The following TNRC6B variants were observed in gnomAD, a reference collection of about 807,000 sequenced individuals.
TNRC6B encodes trinucleotide repeat containing adaptor 6B.
Under a neutral mutation model 203.6 loss-of-function variants are expected in TNRC6B, and 52 were observed. That is an observed-to-expected ratio of 0.26 (90% CI 0.20 to 0.32). The LOEUF is 0.32. TNRC6B is among the 10% of genes least tolerant of loss of function. The pLI is 1.00. For synonymous variants in TNRC6B, 838 were observed against 845.7 expected, an observed-to-expected ratio of 0.99 and a Z score of 0.16; for missense variants, 1,923 against 2,286.2, an observed-to-expected ratio of 0.84 and a Z score of 3.24.
chr22:40,264,387 A>C (rs1313097841), intron 4 of TNRC6B, among the ~76,000 whole-genome samples: 1 of 152,202 alleles, frequency 6.6e-6, no homozygotes, highest in African/African-American at 2.4e-5. Context: ...GAAGATACAG[A>C]GCAAGTTTAG....
At chr22:40,075,695 T>G (rs1016654794) in intron 1 of TNRC6B, among the ~76,000 whole-genome samples, 2 of 152,198 alleles carry the variant, frequency 1.3e-5, no homozygotes, top group Admixed American at 6.5e-5. Context: ...TTTCTGTTTA[T>G]TCTTTCCTCT....
chr22:40,148,573 G>A lies in TNRC6B; in HGVS notation c.46-7542G>A, dbSNP rs538125723. Among the ~76,000 whole-genome samples the A allele has an allele frequency of 1.4e-4, 22 of 152,162 alleles. 1 individual carries two copies. In the Middle Eastern group the frequency reaches 0.014, roughly 94 times the overall value. ...GCTGAGATTACAGGTGTGGGCCACCGCGCCGGGCCAGAAAACAGCTTCTTA... is the reference window on the plus strand; with the variant it reads ...GCTGAGATTACAGGTGTGGGCCACCACGCCGGGCCAGAAAACAGCTTCTTA... On this transcript the variant is annotated intron_variant, in intron 3 of 23. Transcript: ENST00000301923.
At chr22:40,200,917 G>A (rs1005295498) in intron 1 of TNRC6B, among the ~76,000 whole-genome samples, 6 of 152,076 alleles carry the variant, frequency 3.9e-5, no homozygotes, top group Non-Finnish European at 5.9e-5. Flanking sequence ...CTCTATATTC[G>A]TATCCCAGCC....
At chr22:40,148,471 A>G (rs2068715191) in intron 3 of TNRC6B, among the ~76,000 whole-genome samples, 2 of 152,064 alleles carry the variant, frequency 1.3e-5, no homozygotes, top group South Asian at 2.1e-4. Context: ...TTTAGTAGAG[A>G]TGGAGTTTCA....
intron 1 of TNRC6B, among the ~76,000 whole-genome samples, chr22:40,111,485 G>A (rs1352900446): frequency 6.6e-6 from 1 of 152,214 alleles, no homozygotes; most frequent in African/African-American, 2.4e-5. Flanking sequence ...GTGGTGAGAA[G>A]CTATGCCAGA....
At position 40,323,338 on chromosome 22, in the gene TNRC6B, AT is replaced by A; in HGVS notation, c.*102del. ...TTTTTTTTCAACTTGCAATAAATAC[AT>A]TTTTAAAAGGAAAAAAGAAAACGGA... On this transcript the variant is annotated 3_prime_UTR_variant, in exon 23 of 23. Transcript: ENST00000454349. 1 of 1,423,360 alleles carries A rather than the reference AT, an allele frequency of 7.0e-7. No individual in the cohort carries two copies. Among genetic ancestry groups the A allele is most frequent in the Non-Finnish European group, 9.3e-7 (1 of 1,069,756 alleles). 88.2% of individuals were successfully genotyped at this position (1,423,360 alleles called of 1,614,324 possible). A position where few individuals can be genotyped will look rare whatever the true frequency, so the allele number is the denominator to read the frequency against.
At chr22:40,108,893 G>A (rs1177539602) in intron 1 of TNRC6B, among the ~76,000 whole-genome samples, 1 of 152,118 alleles carries the variant, frequency 6.6e-6, no homozygotes, top group Non-Finnish European at 1.5e-5. Context: ...ATTAAGCCCA[G>A]CATACATTAG....
intron 11 of TNRC6B, among the ~76,000 whole-genome samples, chr22:40,282,603 A>G (rs1237174348): frequency 2.0e-5 from 3 of 152,214 alleles, no homozygotes; most frequent in Non-Finnish European, 2.9e-5. Flanking sequence ...TAGTACATAA[A>G]TTAGTATAGT....
chr22:40,153,654 T>C (rs1226364338), intron 3 of TNRC6B, among the ~76,000 whole-genome samples: 1 of 151,792 alleles, frequency 6.6e-6, no homozygotes, highest in African/African-American at 2.4e-5. Context: ...TCCATATGAT[T>C]CAGCTGTATA....
At chr22:40,067,561 T>G (rs2146277157) in intron 1 of TNRC6B, among the ~76,000 whole-genome samples, 1 of 152,174 alleles carries the variant, frequency 6.6e-6, no homozygotes, top group Non-Finnish European at 1.5e-5. Flanking sequence ...CAGCCCAAGT[T>G]GAGAGGCTTA....
chr22:40,083,545 C>CA (rs1491058713), intron 1 of TNRC6B, among the ~76,000 whole-genome samples: 4 of 151,900 alleles, frequency 2.6e-5, no homozygotes, highest in Admixed American at 6.6e-5. Flanking sequence ...AAGAGTGATA[C>CA]AGAGTCAAAG....
chr22:40,285,517 T>TA, intron 11 of TNRC6B, 128 bp from the exon 12 acceptor site: 1 of 1,131,906 alleles, frequency 8.8e-7, no homozygotes, highest in Non-Finnish European at 1.2e-6. Flanking sequence ...ACTTCTCAGT[T>TA]ACAAAATTCT....
intron 1 of TNRC6B, among the ~76,000 whole-genome samples, chr22:40,221,635 G>A (rs376687329): frequency 8.6e-5 from 13 of 151,844 alleles, no homozygotes; most frequent in South Asian, 4.2e-4. Context: ...TGGGGGTTCC[G>A]GTATGTTGGC....
chr22:40,119,490 A>G (rs536738142), intron 2 of TNRC6B, among the ~76,000 whole-genome samples: 55 of 152,350 alleles, frequency 3.6e-4, no homozygotes, highest in African/African-American at 1.3e-3. Flanking sequence ...AGGCTGAGGC[A>G]GGAGAATCGC....
intron 12 of TNRC6B, among the ~76,000 whole-genome samples, chr22:40,288,494 C>T (rs1304920702): frequency 6.6e-6 from 1 of 152,004 alleles, no homozygotes; most frequent in African/African-American, 2.4e-5. Context: ...TGCTTCAGCC[C>T]AGGAGTTTGA....
rs1477840539 is a variant in TNRC6B, at chr22:40,266,447, T to A, written c.2217T>A (p.Asn739Lys). The change falls in exon 5 of 23, where the codon AAT (asparagine) becomes AAA (lysine). Residue 739 changes from asparagine (N) to lysine (K), a missense_variant. Physicochemically the swap from Asn to Lys is moderately conservative, Grantham distance 94. Transcript: ENST00000454349. ...DQGWGGGRQP[N>K]QGWSSGKNGW... Reference sequence around the variant, plus strand: ...GGTGGGGAGGTGGACGCCAGCCCAATCAAGGATGGTCTTCTGGAAAGAATG... The same window carrying A: ...GGTGGGGAGGTGGACGCCAGCCCAAACAAGGATGGTCTTCTGGAAAGAATG... 6.2e-7 allele frequency: 1 copy of A among 1,613,446 alleles called. No individual in the cohort carries two copies. The highest frequency in any genetic ancestry group is 8.5e-7 in the Non-Finnish European group (1 of 1,179,790).
chr22:40,127,132 A>G (rs942560901), intron 3 of TNRC6B, among the ~76,000 whole-genome samples: 156 of 151,846 alleles, frequency 1.0e-3, no homozygotes, highest in African/African-American at 3.6e-3. Flanking sequence ...CTGCTTCTTA[A>G]CATAGTTACA....
At chr22:40,120,913 G>C (rs1353105890) in intron 2 of TNRC6B, among the ~76,000 whole-genome samples, 1 of 152,208 alleles carries the variant, frequency 6.6e-6, no homozygotes, top group Non-Finnish European at 1.5e-5. Context: ...CCTAGCCAAC[G>C]AAAGGAGCAG....
intron 1 of TNRC6B, among the ~76,000 whole-genome samples, chr22:40,114,892 C>T (rs1404599279): frequency 1.3e-5 from 2 of 152,112 alleles, no homozygotes; most frequent in Non-Finnish European, 2.9e-5. Flanking sequence ...GAAAATAGTG[C>T]TGTAGGTAAC....
Sources: gnomAD v4.1 joint callset for allele counts (sites outside exome capture counted in the v4.1 genomes callset) on GRCh38, gnomAD v4.1.1 for gene constraint, MANE v1.5 for transcripts, NCBI Gene and HGNC (gene_info 2026-07-23, HGNC 2026-07-21) for gene names.